The following MYOCD variants were observed in gnomAD, a reference collection of about 807,000 sequenced individuals.
MYOCD encodes myocardin.
In MYOCD, 32 loss-of-function variants were observed where a neutral mutation model predicts 96.1. That is an observed-to-expected ratio of 0.33 (90% CI 0.25 to 0.45). The LOEUF is 0.45. Among genes scored for constraint, MYOCD ranks in the 20% least tolerant of loss-of-function variants. MYOCD has a pLI of 1.00. For synonymous variants in MYOCD, 469 were observed against 469.0 expected, an observed-to-expected ratio of 1.00 and a Z score of 0.00; for missense variants, 1,133 against 1,200.6, an observed-to-expected ratio of 0.94 and a Z score of 0.83.
chr17:12,756,282 C>T (rs1355760246), intron 10 of MYOCD, 132 bp from the exon 11 acceptor site: 30 of 1,060,586 alleles, frequency 2.8e-5, no homozygotes, highest in Non-Finnish European at 3.6e-5. Context: ...GCAAGTTCAT[C>T]TGGTAATGGA....
intron 5 of MYOCD, among the ~76,000 whole-genome samples, chr17:12,735,806 T>C (rs2032323008): frequency 6.6e-6 from 1 of 152,220 alleles, no homozygotes; most frequent in Non-Finnish European, 1.5e-5. Context: ...GCTCCCACCA[T>C]GTTTTCCTCT....
intron 1 of MYOCD, among the ~76,000 whole-genome samples, chr17:12,675,110 G>A (rs1017724962): frequency 6.6e-6 from 1 of 152,014 alleles, no homozygotes; most frequent in African/African-American, 2.4e-5. Context: ...ACAATTCAAG[G>A]GAGAAAATAA....
intron 6 of MYOCD, among the ~76,000 whole-genome samples, chr17:12,736,779 C>T (rs899424018): frequency 6.6e-6 from 1 of 152,274 alleles, no homozygotes; most frequent in East Asian, 1.9e-4. Context: ...GAAACGCTGG[C>T]TCTCTCCAAG....
rs995903248 is a variant in MYOCD at position 12,764,866 on chromosome 17, C to T, written c.*1222C>T. 6.6e-6 allele frequency: 1 copy of T among 152,180 alleles called. No homozygotes were observed. The highest frequency in any genetic ancestry group is 1.5e-5 in the Non-Finnish European group (1 of 68,046). The allele number at this position is 152,180 out of a possible 1,614,324, so 9.4% of individuals were successfully genotyped here. A position where few individuals can be genotyped will look rare whatever the true frequency, so the allele number is the denominator to read the frequency against. ...TTCTGGAGAACTCATTCTCCACACG[C>T]ACAGTTTGCTGCAAAAGGAAGTTGC... On this transcript the variant is annotated 3_prime_UTR_variant, in exon 14 of 14. Transcript: ENST00000425538.
In MYOCD at chr17:12,744,368, C is replaced by A; in HGVS notation, c.903C>A (p.Ile301=). 1 of 1,614,200 alleles carries A rather than the reference C, an allele frequency of 6.2e-7. No individual in the cohort carries two copies. Among genetic ancestry groups the A allele is most frequent in the Non-Finnish European group, 8.5e-7 (1 of 1,180,040 alleles). Residue 301 remains isoleucine (I), a synonymous_variant, in exon 8 of 14, where the codon ATC becomes ATA. Coordinates refer to ENST00000425538, the MANE Select transcript of MYOCD (RefSeq NM_001146312.3). ...QQQQLFLQLQ[I]LSQQQQQQQH... ...AGCAGCTGTTCCTGCAGCTCCAAAT[C>A]CTCAGCCAGCAGCAGCAGCAGCAGC... is the stretch of plus-strand genomic sequence containing the variant.
chr17:12,669,390 A>G (rs1005217751), intron 1 of MYOCD, among the ~76,000 whole-genome samples: 11 of 152,344 alleles, frequency 7.2e-5, no homozygotes, highest in Non-Finnish European at 1.5e-4. Flanking sequence ...CCGCGCAAAC[A>G]GAGGCAAAGT....
intron 1 of MYOCD, among the ~76,000 whole-genome samples, chr17:12,700,633 C>G (rs1025419730): frequency 1.3e-5 from 2 of 151,244 alleles, no homozygotes; most frequent in African/African-American, 4.9e-5. Context: ...CCAGAATGGT[C>G]TCGATCTCCT....
intron 8 of MYOCD, among the ~76,000 whole-genome samples, chr17:12,745,543 T>C (rs1162320947): frequency 6.6e-6 from 1 of 152,062 alleles, no homozygotes; most frequent in Non-Finnish European, 1.5e-5. Flanking sequence ...TCCCCACATA[T>C]AAAGTTGAGA....
At chr17:12,673,694 C>T (rs1338941346) in intron 1 of MYOCD, among the ~76,000 whole-genome samples, 2 of 152,144 alleles carry the variant, frequency 1.3e-5, no homozygotes, top group Non-Finnish European at 2.9e-5. Context: ...GTAGGCTACT[C>T]ATTATTTAGA....
chr17:12,751,293 A>C (rs998573476), intron 9 of MYOCD, among the ~76,000 whole-genome samples: 4 of 151,508 alleles, frequency 2.6e-5, no homozygotes. Flanking sequence ...ATATGTATAT[A>C]TATATGTACA....
At chr17:12,735,661 T>C (rs2032318734) in intron 5 of MYOCD, among the ~76,000 whole-genome samples, 1 of 152,340 alleles carries the variant, frequency 6.6e-6, no homozygotes, top group South Asian at 2.1e-4. Flanking sequence ...GTAGCTGTCC[T>C]AGCTTATCCT....
intron 1 of MYOCD, among the ~76,000 whole-genome samples, chr17:12,693,226 G>C (rs541965796): frequency 6.6e-6 from 1 of 152,136 alleles, no homozygotes; most frequent in African/African-American, 2.4e-5. Flanking sequence ...GGTAGAACTT[G>C]CTACTTGTTC....
intron 5 of MYOCD, among the ~76,000 whole-genome samples, chr17:12,732,500 C>T (rs925475446): frequency 6.6e-6 from 1 of 152,190 alleles, no homozygotes; most frequent in Non-Finnish European, 1.5e-5. Flanking sequence ...CAGCACTCAC[C>T]AGGCAGTCTG....
At chr17:12,691,691 C>T (rs2030454772) in intron 1 of MYOCD, among the ~76,000 whole-genome samples, 1 of 152,160 alleles carries the variant, frequency 6.6e-6, no homozygotes, top group Non-Finnish European at 1.5e-5. Context: ...CATTAAAACA[C>T]AAGGTATAAT....
intron 9 of MYOCD, among the ~76,000 whole-genome samples, chr17:12,752,096 A>G (rs2032868041): frequency 6.6e-6 from 1 of 152,160 alleles, no homozygotes; most frequent in Non-Finnish European, 1.5e-5. Flanking sequence ...ATGTTTTCTC[A>G]TCTATAAAAT....
intron 8 of MYOCD, 126 bp from the exon 9 acceptor site, chr17:12,745,793 T>G (rs1239357347): frequency 1.1e-6 from 1 of 948,366 alleles, no homozygotes; most frequent in Non-Finnish European, 1.6e-6. Context: ...TTCCTCACCC[T>G]GGTCTCTTCT....
chr17:12,707,465 G>T (rs1443926372), intron 2 of MYOCD, among the ~76,000 whole-genome samples: 4 of 151,944 alleles, frequency 2.6e-5, no homozygotes, highest in Middle Eastern at 3.4e-3. Flanking sequence ...CAGCACTTTG[G>T]GAGGCAGAGG....
At chr17:12,739,464 G>C (rs1311110117) in intron 7 of MYOCD, 136 bp downstream of exon 7, 1 of 990,592 alleles carries the variant, frequency 1.0e-6, no homozygotes, top group Non-Finnish European at 1.4e-6. Context: ...CAGCTCACTA[G>C]GAGGGTCACA....
intron 1 of MYOCD, among the ~76,000 whole-genome samples, chr17:12,670,628 A>G (rs1420557998): frequency 1.3e-5 from 2 of 152,176 alleles, no homozygotes; most frequent in Non-Finnish European, 2.9e-5. Flanking sequence ...CTTTCCCATG[A>G]TATGTAATAT....
Sources: gnomAD v4.1 joint callset for allele counts (sites outside exome capture counted in the v4.1 genomes callset) on GRCh38, gnomAD v4.1.1 for gene constraint, MANE v1.5 for transcripts, NCBI Gene and HGNC (gene_info 2026-07-23, HGNC 2026-07-21) for gene names.